PPP1R37: variants seen among roughly 807,000 people sequenced by gnomAD.
PPP1R37 encodes protein phosphatase 1 regulatory subunit 37, also known as leucine rich repeat containing 68.
A neutral mutation model predicts 61.0 loss-of-function variants in PPP1R37; 21 were observed. That is an observed-to-expected ratio of 0.34 (90% CI 0.24 to 0.50). PPP1R37 has a LOEUF of 0.50. Ranked by LOEUF, PPP1R37 falls within the 20% of genes least tolerant of loss-of-function variation. The pLI is 0.98. For synonymous variants in PPP1R37, 443 were observed against 433.5 expected (o/e 1.02, Z -0.27); for missense variants, 910 against 952.7 (o/e 0.96, Z 0.59).
intron 2 of PPP1R37, among the ~76,000 whole-genome samples, chr19:45,139,106 G>A (rs753999028): frequency 6.6e-6 from 1 of 151,356 alleles, no homozygotes. Flanking sequence ...TAGTAGAGAC[G>A]GGGTTTCGCC....
At chr19:45,097,452 G>A (rs1968007078) in intron 1 of PPP1R37, among the ~76,000 whole-genome samples, 1 of 151,886 alleles carries the variant, frequency 6.6e-6, no homozygotes, top group East Asian at 1.9e-4. Context: ...CCAGTGCAGG[G>A]GTCTCCTTCA....
chr19:45,113,208 G>A (rs1968223566), intron 1 of PPP1R37, among the ~76,000 whole-genome samples: 1 of 152,234 alleles, frequency 6.6e-6, no homozygotes, highest in South Asian at 2.1e-4. Context: ...GTGAGGGCAG[G>A]AAGATGTGCA....
At position 45,145,812 on chromosome 19, in the gene PPP1R37, T is replaced by TCCCCCCCCCCCCC; in HGVS notation, c.1761_1762insCCCCCCCCCCCCC (p.Thr588ProfsTer28). On this transcript the variant is annotated frameshift_variant, in exon 11 of 13. Transcript: ENST00000221462. LOFTEE classifies it high-confidence loss of function. ...GCCCGAGAGGGCAGAGCCCCCTGCG[T>TCCCCCCCCCCCCC]CCCCCACCCCTCCCTCTCCCCCACC... The TCCCCCCCCCCCCC allele has an allele frequency of 3.3e-6, 4 of 1,227,584 alleles. No homozygotes were observed. The highest frequency in any genetic ancestry group is 3.1e-5 in the South Asian group (2 of 64,836). 76.0% of individuals were successfully genotyped at this position (1,227,584 alleles called of 1,614,324 possible).
At chr19:45,145,307 G>T (rs1968674695) in intron 10 of PPP1R37, 46 bp from the exon 11 acceptor site, 1 of 1,522,034 alleles carries the variant, frequency 6.6e-7, no homozygotes, top group Admixed American at 2.0e-5. Context: ...GGAAGGCCGG[G>T]TGGTGGGGCC....
intron 1 of PPP1R37, among the ~76,000 whole-genome samples, chr19:45,124,536 G>A (rs1416087540): frequency 6.6e-6 from 1 of 152,052 alleles, no homozygotes; most frequent in Non-Finnish European, 1.5e-5. Context: ...AGTCCAGTGC[G>A]TGCACGGCCC....
chr19:45,112,425 A>G (rs367935546), intron 1 of PPP1R37, among the ~76,000 whole-genome samples: 63 of 152,336 alleles, frequency 4.1e-4, no homozygotes, highest in Middle Eastern at 3.4e-3. Flanking sequence ...GGTAATGCCA[A>G]TCTTTCTGAA....
chr19:45,100,674 A>C (rs1194441943), intron 1 of PPP1R37, among the ~76,000 whole-genome samples: 1 of 152,230 alleles, frequency 6.6e-6, no homozygotes, highest in African/African-American at 2.4e-5. Flanking sequence ...GCAACGTGCC[A>C]TACGGTCTCT....
chr19:45,138,905 C>CTTTTTTTTTTTTTTT lies in PPP1R37; in HGVS notation c.300+305_300+319dup, dbSNP rs34081163. 1.5e-4 allele frequency among the ~76,000 whole-genome samples: 11 copies of CTTTTTTTTTTTTTTT among 73,050 alleles called. 1 individual carries two copies. Among genetic ancestry groups the CTTTTTTTTTTTTTTT allele is most frequent in the African/African-American group, 3.7e-4 (7 of 18,670 alleles). The allele number at this position is 73,050 out of a possible 152,430, so 47.9% of individuals were successfully genotyped here. A position where few individuals can be genotyped will look rare whatever the true frequency, so the allele number is the denominator to read the frequency against. ...GTCTGAATTACAAAATTTATGTATTCTTTTTTTTTTTTTTTTTTTTTTTTT... is the reference window on the plus strand; with the variant it reads ...GTCTGAATTACAAAATTTATGTATTCTTTTTTTTTTTTTTTTTTTTTTTTTTTTTTTTTTTTTTTT... On this transcript the variant is annotated intron_variant, in intron 2 of 12. Transcript: ENST00000221462.
intron 1 of PPP1R37, among the ~76,000 whole-genome samples, chr19:45,126,263 G>C (rs1016704186): frequency 6.6e-6 from 1 of 152,236 alleles, no homozygotes; most frequent in East Asian, 1.9e-4. Context: ...GCACAGAGTG[G>C]TGGCAGCAAC....
In PPP1R37 at chr19:45,146,040, C is replaced by T. The variant is rs1968694783; in HGVS notation, c.1984C>T (p.Leu662=). 6.5e-7 allele frequency: 1 copy of T among 1,529,370 alleles called. No individual in the cohort carries two copies. The highest frequency in any genetic ancestry group is 1.2e-5 in the South Asian group (1 of 83,476). The allele number at this position is 1,529,370 out of a possible 1,614,324, so 94.7% of individuals were successfully genotyped here. Residue 662 remains leucine (L), a synonymous_variant, in exon 11 of 13, where the codon CTG becomes TTG. Coordinates refer to ENST00000221462, the MANE Select transcript of PPP1R37 (RefSeq NM_019121.2). ...TGAGGTCAAGGGGGGCAGCTGCGGC[C>T]TGGAGCACGGTGAGAGGGGCCCTAG... is the stretch of plus-strand genomic sequence containing the variant. The part of the protein sequence containing the change: ...GPEVKGGSCG[L]EHELSCSKNE...
Position 45,142,349 on chromosome 19 carries a change from G to T in PPP1R37, c.765G>T (p.Ala255=), listed in dbSNP as rs940068116. Residue 255 remains alanine, a synonymous_variant, in exon 7 of 13, where the codon GCG becomes GCT. Transcript: ENST00000221462. ...TGAACCTGCGGGAGCTGTACCTGGC[G>T]GACAACAAGCTCAACGGCCTGCAGG... ...MNMNLRELYL[A]DNKLNGLQDS... The T allele has an allele frequency of 6.5e-7, 1 of 1,535,958 alleles. No individual in the cohort carries two copies. The highest frequency in any genetic ancestry group is 8.7e-7 in the Non-Finnish European group (1 of 1,146,922).
At chr19:45,098,521 T>C (rs1001371495) in intron 1 of PPP1R37, among the ~76,000 whole-genome samples, 2 of 152,190 alleles carry the variant, frequency 1.3e-5, no homozygotes, top group African/African-American at 4.8e-5. Context: ...TGTGTGTGCG[T>C]TGGGGGTTTG....
rs1466879978 is a variant in PPP1R37 at position 45,145,641 on chromosome 19, C to T, written c.1585C>T (p.Pro529Ser). The T allele has an allele frequency of 6.5e-7, 1 of 1,535,800 alleles. No homozygotes were observed. The change falls in exon 11 of 13, where the codon CCT becomes TCT. Residue 529 changes from proline to serine, a missense_variant. This residue lies in a region of PPP1R37 where 549 missense variants were observed against 505.1 expected (regional missense o/e 1.09). Transcript: ENST00000221462. ...EEGERDETPC[P>S]ALVPPTDSLG... is the part of the protein sequence containing the mutation. ...AGGGGAGAGGGACGAGACCCCCTGT[C>T]CTGCCCTGGTGCCCCCCACGGACTC...
rs191540034 is a variant in PPP1R37 at position 45,114,920 on chromosome 19, A to G, written c.202+21393A>G. Among the ~76,000 whole-genome samples, 35 of 152,026 alleles carry G rather than the reference A, an allele frequency of 2.3e-4. No individual in the cohort carries two copies. In the East Asian group the frequency reaches 6.8e-3, roughly 29 times the overall value. On this transcript the variant is annotated intron_variant, in intron 1 of 12. Transcript: ENST00000221462. ...GGGGGCTTATGGAGGCCATAAAGGAACCCCCTAACTCCCCCTACACATCCC... is the reference window on the plus strand; with the variant it reads ...GGGGGCTTATGGAGGCCATAAAGGAGCCCCCTAACTCCCCCTACACATCCC...
intron 1 of PPP1R37, among the ~76,000 whole-genome samples, chr19:45,096,169 A>C (rs749994932): frequency 2.0e-5 from 3 of 152,094 alleles, no homozygotes; most frequent in Non-Finnish European, 4.4e-5. Flanking sequence ...GGAGGAGTTC[A>C]TGCATGGGGT....
At chr19:45,094,560 C>G (rs1245833824) in intron 1 of PPP1R37, among the ~76,000 whole-genome samples, 1 of 152,076 alleles carries the variant, frequency 6.6e-6, no homozygotes, top group Non-Finnish European at 1.5e-5. Context: ...AACCCCGTCT[C>G]TACTAAAAAT....
chr19:45,141,682 A>G (rs1258437993), intron 5 of PPP1R37, among the ~76,000 whole-genome samples: 1 of 152,020 alleles, frequency 6.6e-6, no homozygotes, highest in Non-Finnish European at 1.5e-5. Flanking sequence ...CCCTTCCGTA[A>G]TGTCATCCTT....
intron 1 of PPP1R37, among the ~76,000 whole-genome samples, chr19:45,112,012 A>G (rs1238857202): frequency 6.6e-6 from 1 of 150,626 alleles, no homozygotes; most frequent in Non-Finnish European, 1.5e-5. Flanking sequence ...TCTGTCGTCC[A>G]GGCTGGAGTG....
rs772928659 is a variant in PPP1R37, at chr19:45,142,147, C to T, written c.654C>T (p.Arg218=). ...TCGTGGCCCGTGCCCTGCGCATCCG[C>T]AGCAGCCTGGCAGTGCTGCACTTGG... ...APFVARALRI[R]SSLAVLHLEN... is the part of the protein sequence containing the mutation. The change falls in exon 6 of 13, where the codon CGC becomes CGT. Residue 218 remains arginine, a synonymous_variant. Coordinates refer to ENST00000221462, the MANE Select transcript of PPP1R37 (RefSeq NM_019121.2). 3.3e-5 allele frequency: 51 copies of T among 1,535,168 alleles called. 1 individual carries two copies. In the South Asian group the frequency reaches 3.9e-4, roughly 12 times the overall value.
Sources: allele counts gnomAD v4.1 joint callset (sites outside exome capture counted in the v4.1 genomes callset), GRCh38; gene constraint gnomAD v4.1.1; regional missense constraint gnomAD v4.1.1; transcripts MANE v1.5; gene names NCBI Gene and HGNC (gene_info 2026-07-23, HGNC 2026-07-21).